Variants in ZFPM2 observed in about 807,000 individuals in gnomAD.
ZFPM2 encodes zinc finger protein ZFPM2.
ZFPM2 carries 20 observed loss-of-function variants against 98.6 expected under a neutral mutation model. The observed-to-expected ratio is 0.20, with a 90% CI of 0.14 to 0.29. ZFPM2 has a LOEUF of 0.29. ZFPM2 is among the 10% of genes least tolerant of loss of function. ZFPM2 has a pLI of 1.00. For missense variants in ZFPM2, 1,310 were observed against 1,388.6 expected (o/e 0.94, Z 0.90); for synonymous variants, 518 against 502.7 (o/e 1.03, Z -0.41).
intron 5 of ZFPM2, among the ~76,000 whole-genome samples, chr8:105,735,657 A>G (rs564855997): frequency 6.6e-6 from 1 of 152,082 alleles, no homozygotes; most frequent in Admixed American, 6.6e-5. Context: ...CCTGATCAAG[A>G]GCTACATTTT....
chr8:105,613,156 T>A (rs1246833483), intron 4 of ZFPM2, among the ~76,000 whole-genome samples: 1 of 152,108 alleles, frequency 6.6e-6, no homozygotes, highest in African/African-American at 2.4e-5. Flanking sequence ...ATTGTGTGAT[T>A]TAATTGGAGA....
chr8:105,579,505 C>T (rs748274611), intron 4 of ZFPM2, among the ~76,000 whole-genome samples: 85 of 152,118 alleles, frequency 5.6e-4, no homozygotes, highest in Non-Finnish European at 1.1e-3. Flanking sequence ...CAGGATACTA[C>T]ATGTGTGCTC....
chr8:105,644,131 T>C (rs1246258489), intron 5 of ZFPM2, among the ~76,000 whole-genome samples: 1 of 152,140 alleles, frequency 6.6e-6, no homozygotes, highest in Non-Finnish European at 1.5e-5. Flanking sequence ...TGCTCTTGGA[T>C]GCTTCTGTGG....
chr8:105,596,763 T>TA (rs1297283519), intron 4 of ZFPM2, among the ~76,000 whole-genome samples: 3 of 143,198 alleles, frequency 2.1e-5, no homozygotes, highest in South Asian at 2.3e-4. Flanking sequence ...TTTTTTTTTT[T>TA]AATGAGTGAT....
At chr8:105,591,932 G>A (rs1815853511) in intron 4 of ZFPM2, among the ~76,000 whole-genome samples, 1 of 152,134 alleles carries the variant, frequency 6.6e-6, no homozygotes, top group Non-Finnish European at 1.5e-5. Flanking sequence ...ATAAAGCAGA[G>A]TTGTTTTGTT....
chr8:105,750,970 G>A (rs1812462212), intron 5 of ZFPM2, among the ~76,000 whole-genome samples: 1 of 152,044 alleles, frequency 6.6e-6, no homozygotes, highest in South Asian at 2.1e-4. Context: ...ATCAAGACCT[G>A]TAATAACTGA....
rs182021433 is a variant in ZFPM2, at chr8:105,628,680, C to T, written c.421-5566C>T. ...CTTTGGAGAAGAATCTGGCCAGAGA[C>T]GGTCGGACTTCAGGGGAAGATTACC... On this transcript the variant is annotated intron_variant, in intron 4 of 7. Transcript: ENST00000407775. Among the ~76,000 whole-genome samples the T allele has an allele frequency of 2.0e-4, 31 of 152,266 alleles. 1 individual carries two copies. The highest frequency in any genetic ancestry group is 5.1e-4 in the African/African-American group (21 of 41,558).
At chr8:105,614,702 A>G (rs1816377946) in intron 4 of ZFPM2, among the ~76,000 whole-genome samples, 1 of 152,042 alleles carries the variant, frequency 6.6e-6, no homozygotes, top group Admixed American at 6.6e-5. Context: ...AAGGCTGGAC[A>G]CTTCATTTTT....
intron 5 of ZFPM2, chr8:105,784,879 G>T (rs1242437691): frequency 6.9e-6 from 1 of 145,666 alleles, no homozygotes. Flanking sequence ...TCCTATAAAT[G>T]ACTCCCTCAA....
At chr8:105,501,038 C>T (rs1341979076) in intron 3 of ZFPM2, among the ~76,000 whole-genome samples, 4 of 152,096 alleles carry the variant, frequency 2.6e-5, no homozygotes, top group South Asian at 2.1e-4. Context: ...CAAATACAGA[C>T]GTGTAAAGAC....
intron 5 of ZFPM2, among the ~76,000 whole-genome samples, chr8:105,692,252 A>G (rs1177174925): frequency 6.6e-6 from 1 of 152,216 alleles, no homozygotes; most frequent in African/African-American, 2.4e-5. Flanking sequence ...TATTTCAAGG[A>G]AAACAAATTG....
At position 105,803,571 on chromosome 8, in the gene ZFPM2, T is replaced by A. The variant is rs1243882911; in HGVS notation, c.*33T>A. On this transcript the variant is annotated 3_prime_UTR_variant, in exon 8 of 8. Coordinates refer to ENST00000407775, the MANE Select transcript of ZFPM2 (RefSeq NM_012082.4). ...AAACATCAGTCACCTTTGGTATCAG[T>A]GTTTAGTATGTTGTTCTAACCAGTC... 6.4e-7 allele frequency: 1 copy of A among 1,567,806 alleles called. No homozygotes were observed. The highest frequency in any genetic ancestry group is 8.7e-7 in the Non-Finnish European group (1 of 1,153,756).
chr8:105,465,281 A>G (rs1320581594), intron 3 of ZFPM2, among the ~76,000 whole-genome samples: 1 of 152,082 alleles, frequency 6.6e-6, no homozygotes, highest in Admixed American at 6.6e-5. Flanking sequence ...ATACAGAATT[A>G]TAAAACAATT....
chr8:105,350,068 G>A (rs568321715), intron 1 of ZFPM2, among the ~76,000 whole-genome samples: 1 of 152,286 alleles, frequency 6.6e-6, no homozygotes, highest in African/African-American at 2.4e-5. Context: ...AGTAAGATTA[G>A]TGGATTAAAT....
intron 1 of ZFPM2, among the ~76,000 whole-genome samples, chr8:105,371,276 C>T (rs1370134648): frequency 6.6e-6 from 1 of 152,092 alleles, no homozygotes; most frequent in Non-Finnish European, 1.5e-5. Flanking sequence ...GTAATACTCT[C>T]TTTTGTCATG....
intron 1 of ZFPM2, among the ~76,000 whole-genome samples, chr8:105,349,012 C>T (rs1281615921): frequency 6.6e-6 from 1 of 152,106 alleles, no homozygotes; most frequent in African/African-American, 2.4e-5. Flanking sequence ...CATTTATCTT[C>T]TTCAGTTCCA....
At chr8:105,324,248 G>A (rs951084631) in intron 1 of ZFPM2, among the ~76,000 whole-genome samples, 3 of 151,748 alleles carry the variant, frequency 2.0e-5, no homozygotes, top group Non-Finnish European at 4.4e-5. Flanking sequence ...GATAGTCATT[G>A]ATTATATCAA....
At chr8:105,651,954 A>G (rs1326677119) in intron 5 of ZFPM2, among the ~76,000 whole-genome samples, 1 of 152,168 alleles carries the variant, frequency 6.6e-6, no homozygotes, top group African/African-American at 2.4e-5. Context: ...CTAGATGAAG[A>G]GGATTCCTTT....
Position 105,803,349 on chromosome 8 carries a change from T to C in ZFPM2, c.3267T>C (p.Asn1089=), listed in dbSNP as rs1814103428. The C allele has an allele frequency of 1.9e-6, 3 of 1,610,090 alleles. No homozygotes were observed. Among genetic ancestry groups the C allele is most frequent in the Non-Finnish European group, 2.5e-6 (3 of 1,177,344 alleles). Residue 1089 remains asparagine (N), a synonymous_variant, in exon 8 of 8, where the codon AAT becomes AAC. Coordinates refer to ENST00000407775, the MANE Select transcript of ZFPM2 (RefSeq NM_012082.4). ...ISENPLAANE[N]VSPGIPSAEE... ...AGAACCCATTAGCTGCCAATGAGAA[T>C]GTCTCACCAGGAATTCCCTCAGCAG...
Sources: allele counts gnomAD v4.1 joint callset (sites outside exome capture counted in the v4.1 genomes callset), GRCh38; gene constraint gnomAD v4.1.1; transcripts MANE v1.5; gene names NCBI Gene and HGNC (gene_info 2026-07-23, HGNC 2026-07-21).